The following FGGY variants were observed in gnomAD, a reference collection of about 807,000 sequenced individuals.
FGGY encodes FGGY carbohydrate kinase domain containing.
FGGY carries 72 observed loss-of-function variants against 71.3 expected under a neutral mutation model. The ratio of observed to expected loss-of-function variants is 1.01; its 90% CI spans 0.84 to 1.23. The LOEUF is 1.23. FGGY is among the 50% of genes most tolerant of loss of function. The probability of loss-of-function intolerance (pLI) is 0.00; values close to 1 mark genes in which losing one functional copy is unlikely to be tolerated. For synonymous variants in FGGY, 251 were observed against 250.3 expected (o/e 1.00, Z -0.02); for missense variants, 668 against 682.3 (o/e 0.98, Z 0.23).
intron 14 of FGGY, chr1:59,697,796 C>A (rs565410246): frequency 4.5e-5 from 42 of 934,582 alleles, no homozygotes; most frequent in Non-Finnish European, 5.4e-5. Flanking sequence ...ACATCACCCC[C>A]TATTTTCTTT....
chr1:59,692,046 G>A (rs1045333615), intron 14 of FGGY, among the ~76,000 whole-genome samples: 21 of 152,232 alleles, frequency 1.4e-4, no homozygotes, highest in African/African-American at 5.1e-4. Flanking sequence ...AATAACTATA[G>A]TCCTAATACT....
chr1:59,314,993 A>G lies in FGGY; in HGVS notation c.-14-6543A>G, dbSNP rs368054050. The stretch of plus-strand genomic sequence containing the variant: ...CAGAGCCTGTTAGCCAGCTGGCTCC[A>G]GGAACCTATGTGTCATGGGTTCCAC... On this transcript the variant is annotated intron_variant, in intron 1 of 15. Transcript: ENST00000303721. 5.1e-4 allele frequency among the ~76,000 whole-genome samples: 78 copies of G among 152,320 alleles called. 2 individuals are homozygous for G. The Middle Eastern group carries it at 0.017, about 33-fold the overall frequency.
Position 59,447,570 on chromosome 1 carries a change from C to T in FGGY, c.555-9391C>T, listed in dbSNP as rs150238318. 8.7e-4 allele frequency among the ~76,000 whole-genome samples: 133 copies of T among 152,278 alleles called. 1 individual carries two copies. Among genetic ancestry groups the T allele is most frequent in the African/African-American group, 3.1e-3 (128 of 41,554 alleles). Reference sequence around the variant, plus strand: ...CTTGAATTGTAGCTCTGGTAATTCCCATGTGTTATGGGAGGGACCCAGTGG... The same window carrying T: ...CTTGAATTGTAGCTCTGGTAATTCCTATGTGTTATGGGAGGGACCCAGTGG... On this transcript the variant is annotated intron_variant, in intron 5 of 15. Transcript: ENST00000303721.
chr1:59,524,249 G>A (rs995772508), intron 7 of FGGY, among the ~76,000 whole-genome samples: 7 of 152,224 alleles, frequency 4.6e-5, no homozygotes, highest in South Asian at 2.1e-4. Context: ...GCCCTCTCTG[G>A]ACCTTGGGCG....
At chr1:59,460,483 G>T (rs576107729) in intron 6 of FGGY, among the ~76,000 whole-genome samples, 1 of 152,318 alleles carries the variant, frequency 6.6e-6, no homozygotes, top group South Asian at 2.1e-4. Context: ...CGGCGTAGCT[G>T]AACAAAAGGC....
intron 5 of FGGY, among the ~76,000 whole-genome samples, chr1:59,444,711 A>G (rs1158883873): frequency 1.3e-5 from 2 of 152,132 alleles, no homozygotes; most frequent in Non-Finnish European, 2.9e-5. Flanking sequence ...TGAACTGCGC[A>G]TGCAAGGGAT....
intron 5 of FGGY, among the ~76,000 whole-genome samples, chr1:59,423,570 C>G (rs1391967741): frequency 6.6e-6 from 1 of 152,158 alleles, no homozygotes; most frequent in Non-Finnish European, 1.5e-5. Context: ...CAGGGGGATC[C>G]TCTTTCAAAT....
intron 14 of FGGY, among the ~76,000 whole-genome samples, chr1:59,690,222 G>A (rs1028402147): frequency 8.5e-5 from 13 of 152,150 alleles, no homozygotes; most frequent in African/African-American, 2.9e-4. Context: ...GTCTTCAAGG[G>A]GCCCCTAAAA....
chr1:59,406,515 G>A (rs1281064398), intron 5 of FGGY, among the ~76,000 whole-genome samples: 6 of 152,150 alleles, frequency 3.9e-5, no homozygotes, highest in Admixed American at 1.3e-4. Context: ...GCTTCATTCA[G>A]GCAGGAGTTA....
intron 4 of FGGY, among the ~76,000 whole-genome samples, chr1:59,357,026 G>C (rs2054461068): frequency 6.6e-6 from 1 of 152,156 alleles, no homozygotes; most frequent in Admixed American, 6.5e-5. Flanking sequence ...TATTGGACCA[G>C]ATTCCTCCCA....
chr1:59,398,559 G>C (rs1364450586), intron 5 of FGGY, among the ~76,000 whole-genome samples: 1 of 152,058 alleles, frequency 6.6e-6, no homozygotes, highest in Admixed American at 6.6e-5. Flanking sequence ...TTTTTAAAAA[G>C]TGTTTTCAGA....
chr1:59,544,735 A>G (rs2095496194), intron 7 of FGGY, among the ~76,000 whole-genome samples: 1 of 152,202 alleles, frequency 6.6e-6, no homozygotes, highest in Admixed American at 6.5e-5. Context: ...CACTTACAGA[A>G]GTTTGCACAG....
intron 5 of FGGY, among the ~76,000 whole-genome samples, chr1:59,419,247 CT>C: frequency 6.6e-6 from 1 of 152,142 alleles, no homozygotes; most frequent in South Asian, 2.1e-4. Context: ...TTAGACAACC[CT>C]CTGGCAGCAT....
intron 5 of FGGY, among the ~76,000 whole-genome samples, chr1:59,403,363 T>C (rs551452982): frequency 6.6e-6 from 1 of 152,278 alleles, no homozygotes; most frequent in South Asian, 2.1e-4. Flanking sequence ...ACATATTTAG[T>C]AAAGTCCGGC....
rs147675136 is a variant in FGGY at position 59,653,667 on chromosome 1, A to T, written c.1222-6552A>T. 9.4e-3 allele frequency among the ~76,000 whole-genome samples: 1,432 copies of T among 152,264 alleles called. 25 individuals are homozygous for T. The highest frequency in any genetic ancestry group is 0.033 in the African/African-American group (1,379 of 41,562). On this transcript the variant is annotated intron_variant, in intron 11 of 15. Coordinates refer to ENST00000303721, the MANE Select transcript of FGGY (RefSeq NM_018291.5). ...GCCCACTGTCTGGGACTCCCTAGTG[A>T]GATGAACCCGGTACCTCAGATGGAA...
intron 12 of FGGY, among the ~76,000 whole-genome samples, chr1:59,663,642 A>G (rs1368149583): frequency 6.6e-6 from 1 of 152,212 alleles, no homozygotes; most frequent in Non-Finnish European, 1.5e-5. Flanking sequence ...AATGACCTTT[A>G]TAATACCATG....
intron 5 of FGGY, among the ~76,000 whole-genome samples, chr1:59,421,077 C>T (rs576155064): frequency 1.6e-4 from 25 of 151,752 alleles, no homozygotes; most frequent in Non-Finnish European, 2.9e-4. Flanking sequence ...ATGAAGAATA[C>T]ACTCTAGCCT....
intron 10 of FGGY, among the ~76,000 whole-genome samples, 187 bp from the exon 11 acceptor site, chr1:59,638,041 C>T (rs887518172): frequency 5.9e-5 from 9 of 152,134 alleles, no homozygotes; most frequent in Admixed American, 3.9e-4. Context: ...AACCTTTCTA[C>T]TAGGATGTGG....
At chr1:59,638,402 G>C in intron 11 of FGGY, 27 bp downstream of exon 11, 5 of 1,612,236 alleles carry the variant, frequency 3.1e-6, no homozygotes, top group Non-Finnish European at 4.2e-6. Flanking sequence ...CCTTGCACAT[G>C]GGTGAAGGCA....
Sources: allele counts gnomAD v4.1 joint callset (sites outside exome capture counted in the v4.1 genomes callset), GRCh38; gene constraint gnomAD v4.1.1; transcripts MANE v1.5; gene names NCBI Gene and HGNC (gene_info 2026-07-23, HGNC 2026-07-21).